Variants in SMC5 observed in about 807,000 individuals in gnomAD.
The protein encoded by SMC5 is structural maintenance of chromosomes protein 5.
SMC5 carries 88 observed loss-of-function variants against 148.3 expected under a neutral mutation model. That is an observed-to-expected ratio of 0.59 (90% CI 0.50 to 0.71). SMC5 has a LOEUF of 0.71. SMC5 is among the 30% of genes least tolerant of loss of function. SMC5 has a pLI of 0.00. For missense variants in SMC5, 1,142 were observed against 1,298.9 expected, an observed-to-expected ratio of 0.88 and a Z score of 1.86; for synonymous variants, 421 against 432.8, an observed-to-expected ratio of 0.97 and a Z score of 0.34.
Position 70,304,300 on chromosome 9 carries a change from A to G in SMC5, c.1465-947A>G, listed in dbSNP as rs138835159. Among the ~76,000 whole-genome samples, 608 of 152,140 alleles carry G rather than the reference A, an allele frequency of 4.0e-3. 3 individuals carry two copies. The highest frequency in any genetic ancestry group is 0.013 in the African/African-American group (560 of 41,504). On this transcript the variant is annotated intron_variant, in intron 10 of 24. Transcript: ENST00000361138. ...CACTTTGTTTCCTGGGCTGGTCTCA[A>G]ACTTCTGGCTTCCAGTGTTATCCTC...
chr9:70,304,796 G>A (rs1428288810), intron 10 of SMC5, among the ~76,000 whole-genome samples: 1 of 148,816 alleles, frequency 6.7e-6, no homozygotes, highest in South Asian at 2.1e-4. Context: ...CCATAGCAAG[G>A]TTTTTTTTTT....
chr9:70,339,805 A>C lies in SMC5; in HGVS notation c.2398-4339A>C, dbSNP rs1273791800. Among the ~76,000 whole-genome samples the C allele has an allele frequency of 2.0e-5, 3 of 152,326 alleles. No individual in the cohort carries two copies. The East Asian group carries it at 5.8e-4, about 29-fold the overall frequency. Reference sequence around the variant, plus strand: ...TTTCTCAGATTTTTGGAAGGTAAATAGGGCAACAGACCTATAAAACATCCC... The same window carrying C: ...TTTCTCAGATTTTTGGAAGGTAAATCGGGCAACAGACCTATAAAACATCCC... On this transcript the variant is annotated intron_variant, in intron 17 of 24. Coordinates refer to ENST00000361138, the MANE Select transcript of SMC5 (RefSeq NM_015110.4).
chr9:70,282,367 A>G, intron 6 of SMC5, 55 bp from the exon 7 acceptor site: 1 of 1,484,468 alleles, frequency 6.7e-7, no homozygotes, highest in Non-Finnish European at 9.0e-7. Flanking sequence ...GATTTTTAGT[A>G]TATGTGTTAG....
intron 17 of SMC5, among the ~76,000 whole-genome samples, chr9:70,335,574 C>T (rs2036335083): frequency 6.6e-6 from 1 of 152,192 alleles, no homozygotes; most frequent in Non-Finnish European, 1.5e-5. Flanking sequence ...GAATATTACT[C>T]TGCCACAATA....
At chr9:70,337,356 C>G (rs962390261) in intron 17 of SMC5, among the ~76,000 whole-genome samples, 4 of 151,958 alleles carry the variant, frequency 2.6e-5, no homozygotes, top group Non-Finnish European at 5.9e-5. Flanking sequence ...TCCAATAGCC[C>G]TTATAGATGG....
Position 70,323,623 on chromosome 9 carries a change from A to C in SMC5, c.2274+17A>C, listed in dbSNP as rs1227060532. 1.3e-6 allele frequency: 2 copies of C among 1,598,596 alleles called. No homozygotes were observed. The highest frequency in any genetic ancestry group is 1.7e-6 in the Non-Finnish European group (2 of 1,173,708). On this transcript the variant is annotated intron_variant, in intron 16 of 24. Coordinates refer to ENST00000361138, the MANE Select transcript of SMC5 (RefSeq NM_015110.4). Reference sequence around the variant, plus strand: ...CTAATAAAGGTAAGGTATTGTTTTAATTTTAGTCATTTTTTAAAGGAAATA... The same window carrying C: ...CTAATAAAGGTAAGGTATTGTTTTACTTTTAGTCATTTTTTAAAGGAAATA...
In SMC5 at chr9:70,327,090, T is replaced by G. The variant is rs571958774; in HGVS notation, c.2397+2947T>G. On this transcript the variant is annotated intron_variant, in intron 17 of 24. Transcript: ENST00000361138. ...CGGAATGAACTCACAATGTATTTTC[T>G]CAAAAAAACAAACATTTCCTAGCTT... is the stretch of plus-strand genomic sequence containing the variant. Among the ~76,000 whole-genome samples, 13 of 152,254 alleles carry G rather than the reference T, an allele frequency of 8.5e-5. No homozygotes were observed. The East Asian group carries it at 2.5e-3, about 29-fold the overall frequency.
intron 15 of SMC5, among the ~76,000 whole-genome samples, chr9:70,320,120 A>G (rs1413233340): frequency 6.6e-6 from 1 of 152,238 alleles, no homozygotes; most frequent in Non-Finnish European, 1.5e-5. Context: ...AAAAATGTCT[A>G]GTATAACTCC....
intron 3 of SMC5, among the ~76,000 whole-genome samples, chr9:70,276,518 A>G (rs2034596494): frequency 6.6e-6 from 1 of 152,220 alleles, no homozygotes; most frequent in Non-Finnish European, 1.5e-5. Flanking sequence ...ATGAAAGTTT[A>G]AAACTACTTC....
chr9:70,285,103 A>G (rs2034860671), intron 7 of SMC5, among the ~76,000 whole-genome samples: 2 of 152,224 alleles, frequency 1.3e-5, no homozygotes, highest in East Asian at 3.9e-4. Flanking sequence ...GCATACATAC[A>G]TCAGTGTTAC....
intron 15 of SMC5, among the ~76,000 whole-genome samples, chr9:70,321,066 C>A (rs1174027812): frequency 6.6e-6 from 1 of 152,172 alleles, no homozygotes; most frequent in Non-Finnish European, 1.5e-5. Flanking sequence ...CAGGTATCCC[C>A]AGGAGTCTGT....
chr9:70,349,005 T>C (rs1053352454), intron 22 of SMC5, among the ~76,000 whole-genome samples: 4 of 152,228 alleles, frequency 2.6e-5, no homozygotes, highest in Non-Finnish European at 4.4e-5. Flanking sequence ...TCTTGCTCAG[T>C]ACTATCTTAG....
intron 3 of SMC5, among the ~76,000 whole-genome samples, chr9:70,270,168 T>G (rs2034405174): frequency 6.6e-6 from 1 of 152,180 alleles, no homozygotes; most frequent in Non-Finnish European, 1.5e-5. Context: ...AGCTGTAAAT[T>G]GAGGTTCTCA....
At chr9:70,291,474 T>C (rs1564034289) in intron 8 of SMC5, among the ~76,000 whole-genome samples, 1 of 152,218 alleles carries the variant, frequency 6.6e-6, no homozygotes, top group African/African-American at 2.4e-5. Context: ...TTCTGGATCA[T>C]GTACATAGCC....
intron 18 of SMC5, chr9:70,344,601 A>G (rs1181765212): frequency 6.6e-6 from 1 of 152,506 alleles, no homozygotes; most frequent in Non-Finnish European, 1.5e-5. Flanking sequence ...GGAAAATGAA[A>G]ATGTTTCCCT....
chr9:70,309,996 G>A (rs765524931), intron 11 of SMC5, among the ~76,000 whole-genome samples: 9 of 152,026 alleles, frequency 5.9e-5, no homozygotes, highest in African/African-American at 9.7e-5. Context: ...ACAGGTATGC[G>A]CCACCATGCC....
intron 6 of SMC5, among the ~76,000 whole-genome samples, chr9:70,282,113 A>G (rs1345944333): frequency 2.2e-5 from 3 of 139,508 alleles, no homozygotes; most frequent in Non-Finnish European, 4.7e-5. Context: ...TCTCTTCTTT[A>G]TTGACAGATT....
At chr9:70,293,763 G>A (rs2035126907) in intron 8 of SMC5, among the ~76,000 whole-genome samples, 2 of 152,092 alleles carry the variant, frequency 1.3e-5, no homozygotes, top group Non-Finnish European at 2.9e-5. Context: ...CAGTAGATCT[G>A]CCATAGATAT....
rs552751911 is a variant in SMC5 at position 70,328,815 on chromosome 9, C to T, written c.2397+4672C>T. Among the ~76,000 whole-genome samples the T allele has an allele frequency of 3.9e-5, 6 of 152,332 alleles. No individual in the cohort carries two copies. The South Asian group carries it at 1.0e-3, about 26-fold the overall frequency. On this transcript the variant is annotated intron_variant, in intron 17 of 24. Coordinates refer to ENST00000361138, the MANE Select transcript of SMC5 (RefSeq NM_015110.4). Reference sequence around the variant, plus strand: ...TAGAGGTTCTCCATGAGGGCTTAGCCCCTGCAGCAGACTTCTGCCTGGACA... The same window carrying T: ...TAGAGGTTCTCCATGAGGGCTTAGCTCCTGCAGCAGACTTCTGCCTGGACA...
Sources: gnomAD v4.1 joint callset for allele counts (sites outside exome capture counted in the v4.1 genomes callset) on GRCh38, gnomAD v4.1.1 for gene constraint, MANE v1.5 for transcripts, NCBI Gene and HGNC (gene_info 2026-07-23, HGNC 2026-07-21) for gene names.